The following CFAP299 variants were observed in gnomAD, a reference collection of about 807,000 sequenced individuals.
CFAP299 encodes cilia- and flagella-associated protein 299.
In CFAP299, 21 loss-of-function variants were observed where a neutral mutation model predicts 27.0. That is an observed-to-expected ratio of 0.78 (90% CI 0.55 to 1.12). The LOEUF (loss-of-function observed/expected upper bound fraction) is 1.12, where lower values mean the gene tolerates loss of function less well. CFAP299 is among the 50% of genes most tolerant of loss of function. The probability of loss-of-function intolerance (pLI) is 0.00; values close to 1 mark genes in which losing one functional copy is unlikely to be tolerated. For synonymous variants in CFAP299, 104 were observed against 98.1 expected (o/e 1.06, Z -0.36); for missense variants, 310 against 276.6 (o/e 1.12, Z -0.86).
intron 3 of CFAP299, among the ~76,000 whole-genome samples, chr4:80,631,876 C>A (rs1271788684): frequency 7.7e-6 from 1 of 129,690 alleles, no homozygotes; most frequent in African/African-American, 3.0e-5. Context: ...CCCCCCCCAA[C>A]CAAATTCATA....
chr4:80,353,144 T>C (rs1723093874), intron 1 of CFAP299, among the ~76,000 whole-genome samples: 1 of 152,216 alleles, frequency 6.6e-6, no homozygotes, highest in South Asian at 2.1e-4. Context: ...TCAATAAAAT[T>C]GACAAACCCC....
At chr4:80,756,484 G>C (rs762672734) in intron 3 of CFAP299, among the ~76,000 whole-genome samples, 10 of 152,016 alleles carry the variant, frequency 6.6e-5, no homozygotes, top group Non-Finnish European at 1.5e-4. Context: ...CAGTCTGCAA[G>C]CTAAGAATGT....
At chr4:80,386,155 A>G (rs529645368) in intron 2 of CFAP299, 20 of 574,194 alleles carry the variant, frequency 3.5e-5, no homozygotes, top group Admixed American at 2.6e-4. Flanking sequence ...AGGCCTTCCC[A>G]GGAAACGAAC....
chr4:80,510,662 T>C (rs954118942), intron 2 of CFAP299, among the ~76,000 whole-genome samples: 9 of 152,166 alleles, frequency 5.9e-5, no homozygotes, highest in African/African-American at 2.2e-4. Flanking sequence ...CAGTCATGAG[T>C]TAGTACAGGG....
chr4:80,355,330 T>C (rs1449611000), intron 1 of CFAP299, among the ~76,000 whole-genome samples: 1 of 151,758 alleles, frequency 6.6e-6, no homozygotes, highest in Non-Finnish European at 1.5e-5. Flanking sequence ...TATGTCTTCT[T>C]TTGAAAAGTG....
chr4:80,600,371 C>T (rs1175080209), intron 3 of CFAP299, among the ~76,000 whole-genome samples: 1 of 152,070 alleles, frequency 6.6e-6, no homozygotes, highest in African/African-American at 2.4e-5. Flanking sequence ...TGTTATATTA[C>T]ATCCATGTCA....
intron 2 of CFAP299, among the ~76,000 whole-genome samples, chr4:80,373,939 G>A (rs1265269127): frequency 6.6e-6 from 1 of 152,178 alleles, no homozygotes; most frequent in Non-Finnish European, 1.5e-5. Flanking sequence ...TATAGACCAT[G>A]ATCTTCCGGT....
At chr4:80,591,678 G>T (rs1578644471) in intron 3 of CFAP299, among the ~76,000 whole-genome samples, 1 of 152,258 alleles carries the variant, frequency 6.6e-6, no homozygotes, top group African/African-American at 2.4e-5. Flanking sequence ...AGGAGTCACT[G>T]AGGCTAATCT....
intron 3 of CFAP299, among the ~76,000 whole-genome samples, chr4:80,811,289 A>G (rs1729141319): frequency 6.6e-6 from 1 of 152,062 alleles, no homozygotes; most frequent in Non-Finnish European, 1.5e-5. Context: ...TACCTAATCT[A>G]TTTACTCTGT....
chr4:80,596,436 G>C (rs1020153873), intron 3 of CFAP299, among the ~76,000 whole-genome samples: 6 of 152,080 alleles, frequency 3.9e-5, no homozygotes, highest in African/African-American at 1.4e-4. Context: ...CTGCCCCACT[G>C]TGATTTTTTA....
intron 3 of CFAP299, among the ~76,000 whole-genome samples, chr4:80,717,069 C>G (rs932222027): frequency 2.0e-5 from 3 of 152,110 alleles, no homozygotes; most frequent in Admixed American, 6.6e-5. Flanking sequence ...GTAAAATAAT[C>G]TGCTCAGTGC....
intron 4 of CFAP299, among the ~76,000 whole-genome samples, chr4:80,885,198 C>T (rs999180680): frequency 6.6e-6 from 1 of 152,140 alleles, no homozygotes; most frequent in African/African-American, 2.4e-5. Flanking sequence ...AATTGCCCAT[C>T]CCAGCAATTG....
intron 3 of CFAP299, among the ~76,000 whole-genome samples, chr4:80,730,889 C>T (rs961816515): frequency 2.6e-5 from 4 of 152,140 alleles, no homozygotes; most frequent in Admixed American, 6.5e-5. Flanking sequence ...CCACAGACAC[C>T]GTTATTTCAT....
chr4:80,805,057 C>T (rs1728796203), intron 3 of CFAP299, among the ~76,000 whole-genome samples: 1 of 151,880 alleles, frequency 6.6e-6, no homozygotes, highest in Non-Finnish European at 1.5e-5. Flanking sequence ...TTGTGGTTAT[C>T]ATGGGCATTA....
At chr4:80,560,837 G>A (rs1340684196) in intron 2 of CFAP299, among the ~76,000 whole-genome samples, 2 of 152,076 alleles carry the variant, frequency 1.3e-5, no homozygotes, top group East Asian at 3.9e-4. Flanking sequence ...TTTCACTCTA[G>A]CCCTTGACTC....
chr4:80,562,690 TAATAAC>T (rs1448537326), intron 2 of CFAP299, among the ~76,000 whole-genome samples: 18 of 144,702 alleles, frequency 1.2e-4, no homozygotes, highest in South Asian at 4.3e-4. Context: ...ATAATAATAA[TAATAAC>T]AACAACAACA....
intron 3 of CFAP299, among the ~76,000 whole-genome samples, chr4:80,617,157 G>A (rs1738333241): frequency 2.0e-5 from 3 of 152,134 alleles, no homozygotes; most frequent in Admixed American, 2.0e-4. Flanking sequence ...TAAAGGAATG[G>A]TAATTTAAAA....
intron 3 of CFAP299, among the ~76,000 whole-genome samples, chr4:80,629,754 C>G (rs1255790252): frequency 6.6e-6 from 1 of 151,806 alleles, no homozygotes; most frequent in East Asian, 1.9e-4. Context: ...ATGGTGTGCA[C>G]CTGTAGTCCC....
intron 3 of CFAP299, among the ~76,000 whole-genome samples, chr4:80,774,946 T>C (rs1401230978): frequency 6.6e-6 from 1 of 151,948 alleles, no homozygotes; most frequent in African/African-American, 2.4e-5. Flanking sequence ...ATTTGGTGAA[T>C]ATTGCTATTA....
Sources: gnomAD v4.1 joint callset for allele counts (sites outside exome capture counted in the v4.1 genomes callset) on GRCh38, gnomAD v4.1.1 for gene constraint, MANE v1.5 for transcripts, NCBI Gene and HGNC (gene_info 2026-07-23, HGNC 2026-07-21) for gene names.